Variants in CUL1 observed in about 807,000 individuals in gnomAD.
CUL1 encodes the protein cullin 1, also known as cullin-1.
Under a neutral mutation model 118.0 loss-of-function variants are expected in CUL1, and 24 were observed. That is an observed-to-expected ratio of 0.20 (90% CI 0.15 to 0.29). The LOEUF is 0.29. Ranked by LOEUF, CUL1 falls within the 10% of genes least tolerant of loss-of-function variation. The probability of loss-of-function intolerance (pLI) is 1.00; values close to 1 mark genes in which losing one functional copy is unlikely to be tolerated. For missense variants in CUL1, 361 were observed against 933.8 expected (o/e 0.39, Z 7.99); for synonymous variants, 332 against 340.4 (o/e 0.98, Z 0.27).
chr7:148,763,879 G>A (rs1799920916), intron 7 of CUL1, among the ~76,000 whole-genome samples: 1 of 152,178 alleles, frequency 6.6e-6, no homozygotes, highest in Non-Finnish European at 1.5e-5. Flanking sequence ...GCAAATTCTA[G>A]CCAGTTGAGA....
chr7:148,727,389 A>G (rs915424885), intron 1 of CUL1, among the ~76,000 whole-genome samples: 2 of 152,212 alleles, frequency 1.3e-5, no homozygotes, highest in African/African-American at 4.8e-5. Flanking sequence ...TGATACTGGT[A>G]TTTTATTCCT....
chr7:148,717,416 A>T (rs781578944), intron 1 of CUL1, among the ~76,000 whole-genome samples: 2 of 152,298 alleles, frequency 1.3e-5, no homozygotes, highest in African/African-American at 2.4e-5. Context: ...TTGGAAGTTC[A>T]AAAGTATAAA....
At chr7:148,752,886 T>C (rs1171526895) in intron 2 of CUL1, among the ~76,000 whole-genome samples, 1 of 152,208 alleles carries the variant, frequency 6.6e-6, no homozygotes, top group East Asian at 1.9e-4. Flanking sequence ...TCTCCTGACC[T>C]TGTGATCCAC....
intron 1 of CUL1, among the ~76,000 whole-genome samples, chr7:148,710,436 G>A (rs924769310): frequency 2.0e-5 from 3 of 152,186 alleles, no homozygotes; most frequent in Admixed American, 2.0e-4. Context: ...AGGCATGGTG[G>A]TGCATGCCTG....
intron 7 of CUL1, among the ~76,000 whole-genome samples, chr7:148,765,774 A>T (rs1799984359): frequency 6.6e-6 from 1 of 152,208 alleles, no homozygotes; most frequent in Non-Finnish European, 1.5e-5. Flanking sequence ...GTTTCTCTCT[A>T]AATTTTTGAA....
intron 16 of CUL1, 79 bp downstream of exon 16, chr7:148,790,520 C>G: frequency 8.0e-7 from 1 of 1,249,118 alleles, no homozygotes; most frequent in Non-Finnish European, 1.1e-6. Context: ...TATCAGCTGA[C>G]TCAGCAGCAG....
intron 1 of CUL1, among the ~76,000 whole-genome samples, chr7:148,700,505 G>T (rs532491810): frequency 2.0e-5 from 3 of 152,298 alleles, no homozygotes; most frequent in East Asian, 1.9e-4. Context: ...GATATTTGGA[G>T]ATGAGATTTT....
chr7:148,772,056 A>G (rs1331871515), intron 9 of CUL1, among the ~76,000 whole-genome samples: 2 of 152,172 alleles, frequency 1.3e-5, no homozygotes, highest in Non-Finnish European at 2.9e-5. Context: ...TTGACTTTAA[A>G]ATGGCATGAA....
At chr7:148,784,937 A>T (rs1352732935) in intron 11 of CUL1, among the ~76,000 whole-genome samples, 1 of 152,222 alleles carries the variant, frequency 6.6e-6, no homozygotes, top group East Asian at 1.9e-4. Context: ...TTCCCAGTGA[A>T]CTAAATAATA....
intron 4 of CUL1, among the ~76,000 whole-genome samples, chr7:148,758,375 A>G (rs963098955): frequency 2.0e-5 from 3 of 152,214 alleles, no homozygotes; most frequent in South Asian, 2.1e-4. Context: ...AAGAAAAACA[A>G]TGCTGGTTGC....
chr7:148,756,439 G>A (rs1379018372), intron 3 of CUL1, among the ~76,000 whole-genome samples: 3 of 152,002 alleles, frequency 2.0e-5, no homozygotes, highest in Non-Finnish European at 4.4e-5. Context: ...GGGTTCAAGC[G>A]AGTCCCCTGC....
chr7:148,706,694 G>A (rs567390174), intron 1 of CUL1, among the ~76,000 whole-genome samples: 4 of 149,834 alleles, frequency 2.7e-5, no homozygotes, highest in Admixed American at 1.3e-4. Context: ...GGCGGGGGGC[G>A]GGGTGGGTGT....
At chr7:148,769,884 A>G (rs917928052) in intron 9 of CUL1, among the ~76,000 whole-genome samples, 2 of 152,220 alleles carry the variant, frequency 1.3e-5, no homozygotes, top group Non-Finnish European at 1.5e-5. Flanking sequence ...AAGAAAGAAA[A>G]AAAAAGCATT....
intron 9 of CUL1, among the ~76,000 whole-genome samples, chr7:148,768,882 G>A (rs1039531112): frequency 8.6e-5 from 13 of 152,002 alleles, no homozygotes; most frequent in African/African-American, 2.4e-4. Flanking sequence ...ACACTCAGCC[G>A]CCTCTATGAA....
chr7:148,700,744 A>G (rs147933725), intron 1 of CUL1, among the ~76,000 whole-genome samples: 2 of 152,310 alleles, frequency 1.3e-5, no homozygotes, highest in Non-Finnish European at 2.9e-5. Context: ...AAATATGTTA[A>G]ACTTTTTTTC....
Position 148,753,959 on chromosome 7 carries a change from C to T in CUL1, c.141-17C>T, listed in dbSNP as rs1457669986. 7.6e-6 allele frequency: 12 copies of T among 1,570,992 alleles called. No individual in the cohort carries two copies. The highest frequency in any genetic ancestry group is 2.0e-5 in the Admixed American group (1 of 49,474). ...AACGTCTGTGATATATGTTGGTTTC[C>T]TTAACTTTTCTCCAAGTCATGTTTA... On this transcript the variant is annotated splice_polypyrimidine_tract_variant and intron_variant, in intron 2 of 21. Transcript: ENST00000325222.
At chr7:148,700,094 A>G (rs758446560) in intron 1 of CUL1, among the ~76,000 whole-genome samples, 7 of 151,998 alleles carry the variant, frequency 4.6e-5, no homozygotes, top group Non-Finnish European at 1.0e-4. Flanking sequence ...CGATTGGGTC[A>G]CTCTTGGTTG....
intron 9 of CUL1, among the ~76,000 whole-genome samples, chr7:148,772,425 C>CCA (rs1554471819): frequency 1.4e-5 from 2 of 146,610 alleles, no homozygotes; most frequent in Non-Finnish European, 3.0e-5. Context: ...AAAAAAAAAA[C>CCA]AAAAAAAAAA....
chr7:148,711,695 G>A (rs1798058478), intron 1 of CUL1, among the ~76,000 whole-genome samples: 1 of 151,874 alleles, frequency 6.6e-6, no homozygotes, highest in African/African-American at 2.4e-5. Context: ...AATAGAAAGG[G>A]GTGTCTTATT....
Sources: allele counts gnomAD v4.1 joint callset (sites outside exome capture counted in the v4.1 genomes callset), GRCh38; gene constraint gnomAD v4.1.1; transcripts MANE v1.5; gene names NCBI Gene and HGNC (gene_info 2026-07-23, HGNC 2026-07-21).